Variants in ENOX1 observed in about 807,000 individuals in gnomAD.
ENOX1 encodes the protein ecto-NOX disulfide-thiol exchanger 1, also known as candidate growth-related and time keeping constitutive hydroquinone (NADH) oxidase.
ENOX1 carries 42 observed loss-of-function variants against 82.5 expected under a neutral mutation model. That is an observed-to-expected ratio of 0.51 (90% CI 0.40 to 0.66). ENOX1 has a LOEUF of 0.66. ENOX1 is among the 30% of genes least tolerant of loss of function. The pLI, the probability that ENOX1 is intolerant of heterozygous loss-of-function variation, is 0.00. For synonymous variants in ENOX1, 271 were observed against 282.2 expected (o/e 0.96, Z 0.40); for missense variants, 608 against 811.6 (o/e 0.75, Z 3.05).
At chr13:43,236,262 T>G (rs901579314) in intron 15 of ENOX1, among the ~76,000 whole-genome samples, 2 of 152,190 alleles carry the variant, frequency 1.3e-5, no homozygotes, top group Admixed American at 6.5e-5. Context: ...GAGTTTAATC[T>G]CAGGGTTCAA....
chr13:43,416,205 G>A (rs201969134), intron 3 of ENOX1, among the ~76,000 whole-genome samples: 216 of 93,838 alleles, frequency 2.3e-3, no homozygotes, highest in Middle Eastern at 0.025. Flanking sequence ...CAGACGGGGC[G>A]GCTGGGCAGA....
At chr13:43,486,165 G>A (rs201331869) in intron 2 of ENOX1, among the ~76,000 whole-genome samples, 1 of 152,268 alleles carries the variant, frequency 6.6e-6, no homozygotes, top group Non-Finnish European at 1.5e-5. Flanking sequence ...ATCCAAGATC[G>A]TACCACTGCA....
intron 2 of ENOX1, among the ~76,000 whole-genome samples, chr13:43,636,124 C>T (rs1339448686): frequency 6.6e-6 from 1 of 152,074 alleles, no homozygotes; most frequent in Non-Finnish European, 1.5e-5. Context: ...AACTCGGGCA[C>T]AGAAGTTTTG....
At chr13:43,475,419 C>A (rs2058238724) in intron 3 of ENOX1, among the ~76,000 whole-genome samples, 1 of 152,050 alleles carries the variant, frequency 6.6e-6, no homozygotes, top group Non-Finnish European at 1.5e-5. Context: ...GAAAATGAAA[C>A]TTGGCATAAA....
rs536432564 is a variant in ENOX1, at chr13:43,725,434, T to C, written c.-284-57890A>G. 8.5e-5 allele frequency among the ~76,000 whole-genome samples: 13 copies of C among 152,220 alleles called. No individual in the cohort carries two copies. In the East Asian group the frequency reaches 2.3e-3, roughly 27 times the overall value. On this transcript the variant is annotated intron_variant, in intron 1 of 16. Transcript: ENST00000690772. Reference sequence around the variant, plus strand: ...ACCAAGTAGTAGTGTTATTCTTTTGTTGTAAAGGGACTTAAACAGAGGGAC... The same window carrying C: ...ACCAAGTAGTAGTGTTATTCTTTTGCTGTAAAGGGACTTAAACAGAGGGAC...
chr13:43,748,900 G>C (rs958295477), intron 1 of ENOX1, among the ~76,000 whole-genome samples: 5 of 152,158 alleles, frequency 3.3e-5, no homozygotes, highest in African/African-American at 1.2e-4. Flanking sequence ...TCTAATGACA[G>C]ACTGCCTGGG....
intron 15 of ENOX1, among the ~76,000 whole-genome samples, chr13:43,232,590 C>T (rs1219373887): frequency 6.6e-6 from 1 of 152,116 alleles, no homozygotes; most frequent in Non-Finnish European, 1.5e-5. Context: ...CTGGTATAGT[C>T]TGGTTTTGTG....
chr13:43,422,014 C>T (rs1335460691), intron 3 of ENOX1, among the ~76,000 whole-genome samples: 1 of 150,650 alleles, frequency 6.6e-6, no homozygotes, highest in Non-Finnish European at 1.5e-5. Context: ...ATCTCAGTTC[C>T]AGAATTTAGT....
At chr13:43,642,806 A>T (rs2083713110) in intron 2 of ENOX1, among the ~76,000 whole-genome samples, 1 of 152,244 alleles carries the variant, frequency 6.6e-6, no homozygotes. Context: ...TTAATGGAAT[A>T]TCAATTTTCC....
At chr13:43,595,659 T>A (rs981634474) in intron 2 of ENOX1, among the ~76,000 whole-genome samples, 5 of 152,204 alleles carry the variant, frequency 3.3e-5, no homozygotes, top group Non-Finnish European at 7.4e-5. Context: ...GGTATTTTCA[T>A]AGGAAAATAC....
chr13:43,303,677 C>CA (rs1251166973), intron 11 of ENOX1, among the ~76,000 whole-genome samples: 7 of 149,370 alleles, frequency 4.7e-5, no homozygotes, highest in Non-Finnish European at 1.0e-4. Context: ...AAAAGTAACA[C>CA]TTTTTTTTTT....
intron 2 of ENOX1, among the ~76,000 whole-genome samples, chr13:43,642,511 TTTAG>T (rs1237997821): frequency 6.6e-6 from 1 of 152,198 alleles, no homozygotes; most frequent in African/African-American, 2.4e-5. Flanking sequence ...AGCAATTAAA[TTTAG>T]CTGATAGGTG....
intron 8 of ENOX1, among the ~76,000 whole-genome samples, chr13:43,346,420 T>A (rs1393727425): frequency 6.6e-6 from 1 of 152,162 alleles, no homozygotes. Flanking sequence ...CCTGCCCCCC[T>A]GCCCTCACAC....
chr13:43,383,112 A>G (rs1462099104), intron 5 of ENOX1, among the ~76,000 whole-genome samples: 1 of 152,234 alleles, frequency 6.6e-6, no homozygotes, highest in Non-Finnish European at 1.5e-5. Context: ...CTAGCATAAA[A>G]CATGGTACCA....
chr13:43,544,655 CT>C (rs1285338015), intron 2 of ENOX1: 1 of 152,106 alleles, frequency 6.6e-6, no homozygotes, highest in Non-Finnish European at 1.5e-5. Flanking sequence ...CCCAAATTAG[CT>C]CATTAATTTT....
chr13:43,475,334 A>G (rs1227078422), intron 3 of ENOX1, among the ~76,000 whole-genome samples: 1 of 152,176 alleles, frequency 6.6e-6, no homozygotes, highest in African/African-American at 2.4e-5. Context: ...CGGAGCAGCA[A>G]TAGGGAACGT....
intron 3 of ENOX1, among the ~76,000 whole-genome samples, chr13:43,414,199 T>G (rs2054308347): frequency 6.6e-6 from 1 of 152,144 alleles, no homozygotes; most frequent in Admixed American, 6.5e-5. Context: ...TTAATTCAAA[T>G]GGAAGCTAAG....
chr13:43,470,763 T>C (rs2058035306), intron 3 of ENOX1, among the ~76,000 whole-genome samples: 1 of 151,950 alleles, frequency 6.6e-6, no homozygotes, highest in Non-Finnish European at 1.5e-5. Context: ...GGTGAGCATA[T>C]GAAAATGATT....
At chr13:43,557,743 A>G (rs1471848860) in intron 2 of ENOX1, among the ~76,000 whole-genome samples, 1 of 152,180 alleles carries the variant, frequency 6.6e-6, no homozygotes, top group Non-Finnish European at 1.5e-5. Context: ...GGTTGCAGTG[A>G]GCTATGATCA....
Sources: allele counts gnomAD v4.1 joint callset (sites outside exome capture counted in the v4.1 genomes callset), GRCh38; gene constraint gnomAD v4.1.1; transcripts MANE v1.5; gene names NCBI Gene and HGNC (gene_info 2026-07-23, HGNC 2026-07-21).